ALK: variants seen among roughly 807,000 people sequenced by gnomAD.
The protein encoded by ALK is ALK receptor tyrosine kinase.
Under a neutral mutation model 163.1 loss-of-function variants are expected in ALK, and 74 were observed. The observed-to-expected ratio is 0.45, with a 90% confidence interval of 0.38 to 0.55. The LOEUF (loss-of-function observed/expected upper bound fraction) is 0.55. Among genes scored for constraint, ALK ranks in the 20% least tolerant of loss-of-function variants. The probability of loss-of-function intolerance (pLI) is 0.00; values close to 1 mark genes in which losing one functional copy is unlikely to be tolerated. For synonymous variants in ALK, 960 were observed against 843.2 expected (o/e 1.14, Z -2.40); for missense variants, 2,063 against 2,105.3 (o/e 0.98, Z 0.39).
chr2:29,517,140 G>C (rs576109414), intron 4 of ALK, among the ~76,000 whole-genome samples: 1 of 152,318 alleles, frequency 6.6e-6, no homozygotes, highest in African/African-American at 2.4e-5. Flanking sequence ...GGAAAAAATG[G>C]ATAGAAACAC....
chr2:29,339,242 CAA>C (rs35376835), intron 5 of ALK, among the ~76,000 whole-genome samples: 6 of 135,116 alleles, frequency 4.4e-5, no homozygotes, highest in African/African-American at 5.6e-5. Flanking sequence ...GACTCTATCT[CAA>C]AAAAAAAAAA....
chr2:29,824,303 G>A (rs1572409557), intron 1 of ALK, among the ~76,000 whole-genome samples: 2 of 152,362 alleles, frequency 1.3e-5, no homozygotes, highest in African/African-American at 2.4e-5. Flanking sequence ...CAGAGCAGAA[G>A]AGAAATGTGG....
intron 3 of ALK, among the ~76,000 whole-genome samples, chr2:29,686,309 C>A (rs1678238997): frequency 6.6e-6 from 1 of 152,160 alleles, no homozygotes; most frequent in Non-Finnish European, 1.5e-5. Flanking sequence ...TTTCTGGAGG[C>A]AATGATCCTA....
At chr2:29,708,144 G>A (rs1329804481) in intron 2 of ALK, among the ~76,000 whole-genome samples, 3 of 152,178 alleles carry the variant, frequency 2.0e-5, no homozygotes, top group Admixed American at 6.5e-5. Flanking sequence ...CTCAGCTCAC[G>A]GCAACCTCCA....
chr2:29,723,998 C>A (rs1190129458), intron 1 of ALK, among the ~76,000 whole-genome samples: 1 of 152,198 alleles, frequency 6.6e-6, no homozygotes, highest in African/African-American at 2.4e-5. Flanking sequence ...TATTTCCAAT[C>A]TTTATTTTTA....
chr2:29,696,938 A>T (rs13415104), intron 2 of ALK, among the ~76,000 whole-genome samples: 9,036 of 146,196 alleles, frequency 0.062, 803 homozygotes, highest in African/African-American at 0.2. Flanking sequence ...AAAAAAAAAT[A>T]AAATAAAATA....
At chr2:29,544,194 C>T (rs990860473) in intron 3 of ALK, among the ~76,000 whole-genome samples, 1 of 152,172 alleles carries the variant, frequency 6.6e-6, no homozygotes, top group Non-Finnish European at 1.5e-5. Flanking sequence ...GCAGGCCTCA[C>T]CCAGATGCAT....
chr2:29,768,713 C>CTGTGTGTGTG (rs1553359129), intron 1 of ALK, among the ~76,000 whole-genome samples: 3 of 142,862 alleles, frequency 2.1e-5, no homozygotes, highest in South Asian at 2.2e-4. Context: ...TTATATATGT[C>CTGTGTGTGTG]TGTGTGTGTG....
At chr2:29,216,748 C>CGT (rs895786143) in intron 23 of ALK, among the ~76,000 whole-genome samples, 11 of 147,842 alleles carry the variant, frequency 7.4e-5, no homozygotes, top group Non-Finnish European at 1.3e-4. Context: ...GTTTTGTGTA[C>CGT]GTGTGTGGTT....
chr2:29,300,394 C>G (rs994426234), intron 8 of ALK, among the ~76,000 whole-genome samples: 1 of 151,818 alleles, frequency 6.6e-6, no homozygotes, highest in Non-Finnish European at 1.5e-5. Context: ...ACTAAAAATA[C>G]AAAAATTAGC....
At chr2:29,875,236 A>G (rs1242224254) in intron 1 of ALK, among the ~76,000 whole-genome samples, 1 of 152,174 alleles carries the variant, frequency 6.6e-6, no homozygotes, top group Non-Finnish European at 1.5e-5. Flanking sequence ...CAGAAAGTAG[A>G]CTAGAGGTTA....
At chr2:29,565,775 G>A (rs1329333038) in intron 3 of ALK, among the ~76,000 whole-genome samples, 3 of 152,068 alleles carry the variant, frequency 2.0e-5, no homozygotes, top group Admixed American at 6.5e-5. Context: ...CTGACAGATT[G>A]TTCCTCTCAA....
At chr2:29,217,057 T>TTGTATG (rs559325645) in intron 23 of ALK, among the ~76,000 whole-genome samples, 1 of 145,200 alleles carries the variant, frequency 6.9e-6, no homozygotes, top group Non-Finnish European at 1.5e-5. Context: ...GTGGTGTGTG[T>TTGTATG]TGTATGTGTA....
intron 3 of ALK, among the ~76,000 whole-genome samples, chr2:29,577,453 A>T (rs775601029): frequency 6.6e-6 from 1 of 152,226 alleles, no homozygotes; most frequent in Non-Finnish European, 1.5e-5. Context: ...GGAAGGTGGT[A>T]GGAATGTGTC....
intron 3 of ALK, among the ~76,000 whole-genome samples, chr2:29,637,273 A>G (rs1017829146): frequency 2.0e-5 from 3 of 152,230 alleles, no homozygotes; most frequent in Non-Finnish European, 4.4e-5. Context: ...AATTATTCAT[A>G]CGTGTGAAAA....
rs376055205 is a variant in ALK, at chr2:29,214,110, C to T, written c.3646-29G>A. 3,308 of 1,593,630 alleles carry T rather than the reference C, an allele frequency of 2.1e-3. 5 individuals are homozygous for T. The highest frequency in any genetic ancestry group is 2.7e-3 in the Non-Finnish European group (3,097 of 1,161,838). On this transcript the variant is annotated intron_variant, in intron 23 of 28. Coordinates refer to ENST00000389048, the MANE Select transcript of ALK (RefSeq NM_004304.5). ...TGGGGAGACAGAAGCGGGCCACTGA[C>T]GAGGAGCTTGTCAGTGAGAGGAGGG... is the stretch of plus-strand genomic sequence containing the variant.
chr2:29,761,484 C>T (rs1680699040), intron 1 of ALK, among the ~76,000 whole-genome samples: 1 of 152,146 alleles, frequency 6.6e-6, no homozygotes, highest in Non-Finnish European at 1.5e-5. Context: ...AGCATGACCT[C>T]GGGGAGTGTC....
chr2:29,591,207 C>A, intron 3 of ALK, among the ~76,000 whole-genome samples: 1 of 151,878 alleles, frequency 6.6e-6, no homozygotes, highest in East Asian at 1.9e-4. Flanking sequence ...ACAGTACCCC[C>A]ATATTAAAAC....
At chr2:29,386,240 T>C (rs1016477731) in intron 4 of ALK, among the ~76,000 whole-genome samples, 2 of 152,204 alleles carry the variant, frequency 1.3e-5, no homozygotes, top group Admixed American at 6.5e-5. Flanking sequence ...AGCCATTTAA[T>C]AAAAGTGTAT....
Sources: allele counts gnomAD v4.1 joint callset (sites outside exome capture counted in the v4.1 genomes callset), GRCh38; gene constraint gnomAD v4.1.1; transcripts MANE v1.5; gene names NCBI Gene and HGNC (gene_info 2026-07-23, HGNC 2026-07-21).